Variants in FBXO31 observed in about 807,000 individuals in gnomAD.
FBXO31 encodes F-box only protein 31.
FBXO31 carries 24 observed loss-of-function variants against 54.4 expected under a neutral mutation model. The observed-to-expected ratio is 0.44, with a 90% CI of 0.32 to 0.62. The LOEUF is 0.62. FBXO31 is among the 20% of genes least tolerant of loss of function. The pLI is 0.05. For synonymous variants in FBXO31, 388 were observed against 335.6 expected (o/e 1.16, Z -1.71); for missense variants, 665 against 787.1 (o/e 0.84, Z 1.86).
At chr16:87,364,448 G>A (rs2150688513) in intron 1 of FBXO31, among the ~76,000 whole-genome samples, 1 of 152,298 alleles carries the variant, frequency 6.6e-6, no homozygotes. Flanking sequence ...GCCAGACCTG[G>A]GCCAGTTCGC....
intron 2 of FBXO31, among the ~76,000 whole-genome samples, chr16:87,354,508 C>T (rs1039278166): frequency 1.3e-5 from 2 of 151,852 alleles, no homozygotes; most frequent in African/African-American, 4.8e-5. Context: ...ACTGGCTTCA[C>T]CAACGTGCAG....
Position 87,358,279 on chromosome 16 carries a change from G to C in FBXO31, c.412+2016C>G, listed in dbSNP as rs1442536237. On this transcript the variant is annotated intron_variant, in intron 2 of 8. Coordinates refer to ENST00000311635, the MANE Select transcript of FBXO31 (RefSeq NM_024735.5). The surrounding 1 kb of genome is among the most constrained non-coding windows in gnomAD (Gnocchi z 4.0). ...ACGCTGCAGCAAGTGAACGTGAAAG[G>C]ATGACAAAAAGCCACGAGGTCCGCT... The C allele has an allele frequency of 2.0e-5, 3 of 152,466 alleles. No homozygotes were observed. The highest frequency in any genetic ancestry group is 2.0e-4 in the Admixed American group (3 of 15,280). The allele number at this position is 152,466 out of a possible 1,614,324, so 9.4% of individuals were successfully genotyped here.
chr16:87,352,169 A>T (rs1905691232), intron 2 of FBXO31, among the ~76,000 whole-genome samples: 1 of 152,206 alleles, frequency 6.6e-6, no homozygotes, highest in African/African-American at 2.4e-5. Flanking sequence ...TGCCCCATAA[A>T]GACATAATAT....
At chr16:87,380,049 C>A (rs1322560142) in intron 1 of FBXO31, among the ~76,000 whole-genome samples, 13 of 147,598 alleles carry the variant, frequency 8.8e-5, no homozygotes, top group Non-Finnish European at 1.5e-5. Context: ...CCTGTAATCC[C>A]AGCACTTTGG....
intron 1 of FBXO31, among the ~76,000 whole-genome samples, chr16:87,377,842 A>C (rs1906890916): frequency 6.6e-6 from 1 of 151,668 alleles, no homozygotes; most frequent in Non-Finnish European, 1.5e-5. Flanking sequence ...AAAAAAAAAG[A>C]AAAAACATGT....
At chr16:87,360,231 T>G in intron 2 of FBXO31, 64 bp downstream of exon 2, 1 of 1,418,644 alleles carries the variant, frequency 7.0e-7, no homozygotes, top group African/African-American at 1.4e-5. Flanking sequence ...TATTTGTCAT[T>G]GATGTGCACT....
chr16:87,386,454 A>C (rs1199081105), upstream of FBXO31, among the ~76,000 whole-genome samples: 1 of 152,144 alleles, frequency 6.6e-6, no homozygotes, highest in South Asian at 2.1e-4. Context: ...TTATTTAGAG[A>C]CGGAGTCTCA....
chr16:87,340,001 G>A (rs895229693), intron 5 of FBXO31, among the ~76,000 whole-genome samples: 24 of 152,198 alleles, frequency 1.6e-4, no homozygotes, highest in Non-Finnish European at 2.1e-4. Context: ...ACAAGAATTC[G>A]GCCGGGCGCG....
chr16:87,382,646 G>C (rs1484724902), intron 1 of FBXO31, among the ~76,000 whole-genome samples: 1 of 152,042 alleles, frequency 6.6e-6, no homozygotes, highest in African/African-American at 2.4e-5. Context: ...TGTTGCTGTT[G>C]TTTGAGACCA....
At chr16:87,340,729 G>A (rs534321894) in intron 5 of FBXO31, among the ~76,000 whole-genome samples, 5 of 152,116 alleles carry the variant, frequency 3.3e-5, no homozygotes, top group East Asian at 1.9e-4. Flanking sequence ...AGGCCAAGGC[G>A]GTAAGATCAC....
intron 1 of FBXO31, among the ~76,000 whole-genome samples, chr16:87,376,400 A>G (rs757986405): frequency 3.4e-4 from 52 of 151,894 alleles, no homozygotes; most frequent in Non-Finnish European, 5.7e-4. Flanking sequence ...CAGTCACCCA[A>G]GTAACTGGGA....
intron 2 of FBXO31, among the ~76,000 whole-genome samples, chr16:87,359,908 G>T (rs1388837327): frequency 6.6e-6 from 1 of 152,142 alleles, no homozygotes; most frequent in Non-Finnish European, 1.5e-5. Flanking sequence ...CTCCGTACCT[G>T]GGGCTTGGAC....
chr16:87,333,836 G>A (rs1301967032), intron 8 of FBXO31, 50 bp downstream of exon 8: 2 of 1,537,610 alleles, frequency 1.3e-6, no homozygotes, highest in Admixed American at 3.9e-5. Context: ...GGCCCTCGCT[G>A]AAGCCCATGC....
rs1369274196 is a variant in FBXO31 at position 87,335,454 on chromosome 16, G to A, written c.846C>T (p.Asn282=). The A allele has an allele frequency of 6.2e-7, 1 of 1,611,634 alleles. No homozygotes were observed. Among genetic ancestry groups the A allele is most frequent in the South Asian group, 1.1e-5 (1 of 90,974 alleles). Residue 282 remains asparagine (N), a synonymous_variant, in exon 7 of 9, where the codon AAC becomes AAT. Coordinates refer to ENST00000311635, the MANE Select transcript of FBXO31 (RefSeq NM_024735.5). This position sits in a 1 kb window ranked among gnomAD's most constrained non-coding sequence, Gnocchi z 5.7. Reference sequence around the variant, plus strand: ...GGTAGATGCGGCGGTAGGTCAGGCAGTTGCTGTGGGGAGCGGACGGGTCAG... The same window carrying A: ...GGTAGATGCGGCGGTAGGTCAGGCAATTGCTGTGGGGAGCGGACGGGTCAG... ...MKFIYTSQYD[N]CLTYRRIYLP... is the part of the protein sequence containing the mutation.
chr16:87,337,737 C>T (rs1597359358), intron 5 of FBXO31, among the ~76,000 whole-genome samples: 2 of 152,028 alleles, frequency 1.3e-5, no homozygotes, highest in African/African-American at 2.4e-5. Flanking sequence ...ACCACGACCC[C>T]GCCTTATGCC....
chr16:87,378,897 G>A (rs549941199), intron 1 of FBXO31, among the ~76,000 whole-genome samples: 17 of 151,028 alleles, frequency 1.1e-4, no homozygotes, highest in Admixed American at 9.9e-4. Flanking sequence ...AGGAGGCGGA[G>A]CTTGCAATGA....
At chr16:87,353,606 G>A (rs969593249) in intron 2 of FBXO31, among the ~76,000 whole-genome samples, 8 of 152,280 alleles carry the variant, frequency 5.3e-5, no homozygotes, top group Non-Finnish European at 1.2e-4. Context: ...GCGGTAAGGA[G>A]GCTCCGCAAG....
At chr16:87,357,960 T>C (rs1371406260) in intron 2 of FBXO31, among the ~76,000 whole-genome samples, 2 of 152,210 alleles carry the variant, frequency 1.3e-5, no homozygotes, top group South Asian at 2.1e-4. Flanking sequence ...CCTTTGTCTA[T>C]TGAGGGTATA....
rs955931086 is a variant in FBXO31, at chr16:87,338,476, G to A, written c.733-2212C>T. Among the ~76,000 whole-genome samples, 4 of 143,206 alleles carry A rather than the reference G, an allele frequency of 2.8e-5. No homozygotes were observed. The highest frequency in any genetic ancestry group is 7.0e-5 in the Admixed American group (1 of 14,376). The allele number at this position is 143,206 out of a possible 152,430, so 93.9% of individuals were successfully genotyped here. A position where few individuals can be genotyped will look rare whatever the true frequency, so the allele number is the denominator to read the frequency against. On this transcript the variant is annotated intron_variant, in intron 5 of 8. Coordinates refer to ENST00000311635, the MANE Select transcript of FBXO31 (RefSeq NM_024735.5). The surrounding 1 kb of genome is among the most constrained non-coding windows in gnomAD (Gnocchi z 4.3). ...GCCTCAGTCTTGGGGCGGGGGAGGC[G>A]GGCCTGAAACACACAGGGGTGGGAA...
Sources: gnomAD v4.1 joint callset for allele counts (sites outside exome capture counted in the v4.1 genomes callset) on GRCh38, gnomAD v4.1.1 for gene constraint, Gnocchi (gnomAD v3.1) non-coding constraint, MANE v1.5 for transcripts, NCBI Gene and HGNC (gene_info 2026-07-23, HGNC 2026-07-21) for gene names.